STK32C: variants seen among roughly 807,000 people sequenced by gnomAD.
STK32C encodes the protein serine/threonine-protein kinase 32C.
In STK32C, 31 loss-of-function variants were observed where a neutral mutation model predicts 56.5. That is an observed-to-expected ratio of 0.55 (90% confidence interval 0.41 to 0.74). STK32C has a LOEUF of 0.74. Among genes scored for constraint, STK32C ranks in the 30% least tolerant of loss-of-function variants. STK32C has a pLI of 0.00. For synonymous variants in STK32C, 309 were observed against 289.4 expected (o/e 1.07, Z -0.69); for missense variants, 544 against 676.9 (o/e 0.80, Z 2.18).
chr10:132,256,541 G>GGCCTGAGACCGCAGT (rs1407507313), intron 1 of STK32C, among the ~76,000 whole-genome samples: 1 of 152,200 alleles, frequency 6.6e-6, no homozygotes, highest in Non-Finnish European at 1.5e-5. Context: ...CAGAGGCTCA[G>GGCCTGAGACCGCAGT]GCCTGAGACC....
intron 10 of STK32C, 124 bp downstream of exon 10, chr10:132,222,517 G>A: frequency 7.8e-7 from 1 of 1,284,784 alleles, no homozygotes; most frequent in Non-Finnish European, 1.1e-6. Context: ...AGGACTTCAG[G>A]AAACGGTCTG....
chr10:132,298,950 C>T (rs543489652), intron 1 of STK32C, among the ~76,000 whole-genome samples: 70 of 152,300 alleles, frequency 4.6e-4, no homozygotes, highest in African/African-American at 1.5e-3. Flanking sequence ...AGATGGAGCT[C>T]ACTGTGGGCC....
At chr10:132,228,894 C>T (rs1483590744) in intron 2 of STK32C, among the ~76,000 whole-genome samples, 1 of 152,222 alleles carries the variant, frequency 6.6e-6, no homozygotes, top group African/African-American at 2.4e-5. Flanking sequence ...GCCACCGCTG[C>T]CACCACAGTG....
intron 1 of STK32C, among the ~76,000 whole-genome samples, chr10:132,301,089 T>G (rs2065898448): frequency 6.6e-6 from 1 of 151,634 alleles, no homozygotes; most frequent in Non-Finnish European, 1.5e-5. Flanking sequence ...GAAGGCCTGG[T>G]CGTCCACTAA....
chr10:132,220,037 G>A (rs2062586098), intron 10 of STK32C, among the ~76,000 whole-genome samples: 2 of 152,148 alleles, frequency 1.3e-5, no homozygotes. Flanking sequence ...CATCCTGGTG[G>A]TATGGGCCAA....
At chr10:132,282,457 G>GCCTGTGCCCACCTGTA (rs762751906) in intron 1 of STK32C, among the ~76,000 whole-genome samples, 8,241 of 120,440 alleles carry the variant, frequency 0.068, 259 homozygotes, top group African/African-American at 0.1. Context: ...ACCCACCTGT[G>GCCTGTGCCCACCTGTA]CCTGCGCCCA....
rs2064105301 is a variant in STK32C, at chr10:132,255,933, C to T, written c.263-9978G>A. Among the ~76,000 whole-genome samples, 1 of 152,246 alleles carries T rather than the reference C, an allele frequency of 6.6e-6. No individual in the cohort carries two copies. The highest frequency in any genetic ancestry group is 2.4e-5 in the African/African-American group (1 of 41,470). On this transcript the variant is annotated intron_variant, in intron 1 of 11. Coordinates refer to ENST00000298630, the MANE Select transcript of STK32C (RefSeq NM_173575.4). The surrounding 1 kb of genome is among the most constrained non-coding windows in gnomAD (Gnocchi z 4.6). ...ACCCCCATGACCAGCAGCCTGCAGC[C>T]TCTGCACACCCTGGAGCCCTGGTGT...
At chr10:132,289,553 C>T (rs1013605244) in intron 1 of STK32C, among the ~76,000 whole-genome samples, 1 of 152,194 alleles carries the variant, frequency 6.6e-6, no homozygotes, top group Non-Finnish European at 1.5e-5. Context: ...TAACAGATTG[C>T]CATAGACCTG....
intron 10 of STK32C, among the ~76,000 whole-genome samples, chr10:132,215,739 G>A (rs1182365574): frequency 6.6e-6 from 1 of 152,182 alleles, no homozygotes; most frequent in Non-Finnish European, 1.5e-5. Context: ...CTGAAAATGT[G>A]GAAGCAACTT....
At chr10:132,275,051 CG>C (rs1180929811) in intron 1 of STK32C, among the ~76,000 whole-genome samples, 3 of 152,192 alleles carry the variant, frequency 2.0e-5, no homozygotes, top group Non-Finnish European at 4.4e-5. Context: ...GTGTGGTTCA[CG>C]GTGTCCCCCA....
Position 132,269,116 on chromosome 10 carries a change from T to C in STK32C, c.263-23161A>G, listed in dbSNP as rs565676183. On this transcript the variant is annotated intron_variant, in intron 1 of 11. Transcript: ENST00000298630. ...GCGTGCGTCACATCGTGTGTGTGTGTGCCTGCGTGTGTACATGCACGTGTC... is the reference window on the plus strand; with the variant it reads ...GCGTGCGTCACATCGTGTGTGTGTGCGCCTGCGTGTGTACATGCACGTGTC... Among the ~76,000 whole-genome samples the C allele has an allele frequency of 5.3e-5, 8 of 152,226 alleles. No homozygotes were observed. In the East Asian group the frequency reaches 5.8e-4, roughly 11 times the overall value.
chr10:132,283,078 G>A (rs927000550), intron 1 of STK32C, among the ~76,000 whole-genome samples: 1 of 152,278 alleles, frequency 6.6e-6, no homozygotes, highest in Non-Finnish European at 1.5e-5. Flanking sequence ...CAGCAGAGAA[G>A]AATCCAGTGA....
At chr10:132,318,237 C>T (rs1384601402) in intron 1 of STK32C, among the ~76,000 whole-genome samples, 2 of 145,400 alleles carry the variant, frequency 1.4e-5, no homozygotes, top group African/African-American at 2.5e-5. Flanking sequence ...CACTGCACTC[C>T]AGCCTGGGCG....
At chr10:132,313,887 G>A (rs1037626626) in intron 1 of STK32C, among the ~76,000 whole-genome samples, 1 of 152,204 alleles carries the variant, frequency 6.6e-6, no homozygotes, top group Non-Finnish European at 1.5e-5. Flanking sequence ...CTGAAATGGG[G>A]GTTGTTTAAG....
chr10:132,295,403 A>G (rs1486712634), intron 1 of STK32C, among the ~76,000 whole-genome samples: 1 of 152,220 alleles, frequency 6.6e-6, no homozygotes, highest in African/African-American at 2.4e-5. Flanking sequence ...CAACAACGAA[A>G]GCACCGAAGA....
intron 1 of STK32C, among the ~76,000 whole-genome samples, chr10:132,305,972 A>T (rs965939402): frequency 2.6e-5 from 4 of 152,244 alleles, no homozygotes; most frequent in African/African-American, 9.6e-5. Flanking sequence ...TACTACAGGC[A>T]AATACGGTGA....
rs1009950537 is a variant in STK32C, at chr10:132,207,938, G to A, written c.*72C>T. 27 of 1,253,780 alleles carry A rather than the reference G, an allele frequency of 2.2e-5. No homozygotes were observed. Among genetic ancestry groups the A allele is most frequent in the East Asian group, 6.2e-5 (2 of 32,450 alleles). The allele number at this position is 1,253,780 out of a possible 1,614,324, so 77.7% of individuals were successfully genotyped here. A position where few individuals can be genotyped will look rare whatever the true frequency, so the allele number is the denominator to read the frequency against. ...GGTGGGAACGTGAATGCCAGGCCTC[G>A]GCCCATGGCCCTCCCTCTGGCAGCC... On this transcript the variant is annotated 3_prime_UTR_variant, in exon 12 of 12. Coordinates refer to ENST00000298630, the MANE Select transcript of STK32C (RefSeq NM_173575.4).
rs1590179011 is a variant in STK32C at position 132,225,906 on chromosome 10, G to A, written c.645-122C>T. ...CCAACCCACTCGAGGCAGAGGCCTGGGAGCTTGACTTGGTCCTTGGATGAT... is the reference window on the plus strand; with the variant it reads ...CCAACCCACTCGAGGCAGAGGCCTGAGAGCTTGACTTGGTCCTTGGATGAT... On this transcript the variant is annotated intron_variant, in intron 4 of 11. Coordinates refer to ENST00000298630, the MANE Select transcript of STK32C (RefSeq NM_173575.4). The A allele has an allele frequency of 7.6e-6, 10 of 1,314,082 alleles. No individual in the cohort carries two copies. The East Asian group carries it at 2.3e-4, about 30-fold the overall frequency. 81.4% of individuals were successfully genotyped at this position (1,314,082 alleles called of 1,614,324 possible). A position where few individuals can be genotyped will look rare whatever the true frequency, so the allele number is the denominator to read the frequency against.
chr10:132,313,897 G>T (rs2066267277), intron 1 of STK32C, among the ~76,000 whole-genome samples: 1 of 152,220 alleles, frequency 6.6e-6, no homozygotes, highest in Non-Finnish European at 1.5e-5. Context: ...GGTTGTTTAA[G>T]ACCCATGCAG....
Sources: gnomAD v4.1 joint callset for allele counts (sites outside exome capture counted in the v4.1 genomes callset) on GRCh38, gnomAD v4.1.1 for gene constraint, Gnocchi (gnomAD v3.1) non-coding constraint, MANE v1.5 for transcripts, NCBI Gene and HGNC (gene_info 2026-07-23, HGNC 2026-07-21) for gene names.